Variants in SYT16 observed in about 807,000 individuals in gnomAD.
SYT16 encodes synaptotagmin-16.
In SYT16, 42 loss-of-function variants were observed where a neutral mutation model predicts 61.4. The observed-to-expected ratio is 0.68, with a 90% confidence interval of 0.53 to 0.89. The LOEUF (loss-of-function observed/expected upper bound fraction) is 0.89. SYT16 is among the 40% of genes least tolerant of loss of function. SYT16 has a pLI of 0.00. For missense variants in SYT16, 804 were observed against 807.3 expected, an observed-to-expected ratio of 1.00 and a Z score of 0.05; for synonymous variants, 314 against 302.3, an observed-to-expected ratio of 1.04 and a Z score of -0.40.
chr14:62,048,392 T>G (rs1377563175), intron 3 of SYT16, among the ~76,000 whole-genome samples: 6 of 152,084 alleles, frequency 3.9e-5, no homozygotes, highest in East Asian at 1.9e-4. Context: ...TCTTGCTAGC[T>G]GTCTATCAAT....
chr14:61,964,347 A>G (rs2051226053), intron 1 of SYT16, among the ~76,000 whole-genome samples: 1 of 152,182 alleles, frequency 6.6e-6, no homozygotes, highest in Non-Finnish European at 1.5e-5. Context: ...GTTTGGAAGA[A>G]GTTGATTCTA....
intron 2 of SYT16, among the ~76,000 whole-genome samples, chr14:61,989,059 T>G (rs2052437225): frequency 6.6e-6 from 1 of 152,126 alleles, no homozygotes; most frequent in African/African-American, 2.4e-5. Flanking sequence ...GGCCAATATC[T>G]TCCACAAAAG....
At chr14:61,940,724 G>T (rs1191973607) in intron 1 of SYT16, among the ~76,000 whole-genome samples, 1 of 152,160 alleles carries the variant, frequency 6.6e-6, no homozygotes, top group Non-Finnish European at 1.5e-5. Context: ...TGGAGATTCA[G>T]ATCTTGCTTG....
chr14:61,860,188 C>G (rs2046921679), intron 1 of SYT16, among the ~76,000 whole-genome samples: 1 of 152,170 alleles, frequency 6.6e-6, no homozygotes, highest in African/African-American at 2.4e-5. Context: ...AGTAACAAAG[C>G]TACTTTGAAA....
intron 3 of SYT16, among the ~76,000 whole-genome samples, chr14:62,035,056 A>T (rs2054455623): frequency 6.6e-6 from 1 of 152,142 alleles, no homozygotes; most frequent in South Asian, 2.1e-4. Flanking sequence ...GACCTTAAGT[A>T]TTTACATATG....
In SYT16 at chr14:61,827,979, A is replaced by G. The variant is rs114073201; in HGVS notation, c.-325+15169A>G. ...CTGTATTTGAAGCTAGGGTTTTTAA[A>G]TAGGTAATTCAGTTAAAATGAAGTT... On this transcript the variant is annotated intron_variant, in intron 1 of 7. Transcript: ENST00000683842. Among the ~76,000 whole-genome samples, 1,420 of 152,320 alleles carry G rather than the reference A, an allele frequency of 9.3e-3. 27 individuals carry two copies. Among genetic ancestry groups the G allele is most frequent in the African/African-American group, 0.032 (1,332 of 41,564 alleles).
intron 1 of SYT16, among the ~76,000 whole-genome samples, chr14:61,815,850 A>AT (rs1460246585): frequency 1.3e-5 from 2 of 152,036 alleles, no homozygotes; most frequent in Non-Finnish European, 2.9e-5. Flanking sequence ...GCGCTATTTT[A>AT]TTTTTTTATT....
At chr14:62,027,290 A>C (rs556882898) in intron 3 of SYT16, among the ~76,000 whole-genome samples, 2 of 152,300 alleles carry the variant, frequency 1.3e-5, no homozygotes, top group Non-Finnish European at 2.9e-5. Context: ...CATGCTTTCC[A>C]AAATGAATGT....
At chr14:62,014,463 G>T (rs1363007134) in intron 3 of SYT16, among the ~76,000 whole-genome samples, 1 of 151,290 alleles carries the variant, frequency 6.6e-6, no homozygotes, top group Non-Finnish European at 1.5e-5. Context: ...CTTCTGCTTG[G>T]TCTATTCCAA....
chr14:62,075,653 A>G (rs2140958311), intron 5 of SYT16, among the ~76,000 whole-genome samples: 1 of 146,990 alleles, frequency 6.8e-6, no homozygotes, highest in East Asian at 2.0e-4. Context: ...ATGGTGGCAG[A>G]ATGGATCCAG....
intron 1 of SYT16, among the ~76,000 whole-genome samples, chr14:61,821,393 A>G (rs979295387): frequency 1.7e-4 from 26 of 152,292 alleles, no homozygotes; most frequent in African/African-American, 6.0e-4. Flanking sequence ...TGGCTTAAAA[A>G]AACACTTATC....
At chr14:61,911,994 G>A (rs1477660340) in intron 1 of SYT16, among the ~76,000 whole-genome samples, 1 of 152,152 alleles carries the variant, frequency 6.6e-6, no homozygotes, top group African/African-American at 2.4e-5. Flanking sequence ...TGTTGGGAAG[G>A]CATTTGGTAT....
intron 1 of SYT16, among the ~76,000 whole-genome samples, chr14:61,940,730 G>A (rs1384642951): frequency 6.6e-6 from 1 of 152,118 alleles, no homozygotes; most frequent in African/African-American, 2.4e-5. Flanking sequence ...TTCAGATCTT[G>A]CTTGGCCCCT....
chr14:62,056,391 A>C (rs1187704486), intron 3 of SYT16, among the ~76,000 whole-genome samples: 2 of 152,184 alleles, frequency 1.3e-5, no homozygotes, highest in African/African-American at 2.4e-5. Flanking sequence ...ACCTGGGCAA[A>C]AAAGGGTTTG....
chr14:61,960,079 A>G (rs192074141), intron 1 of SYT16, among the ~76,000 whole-genome samples: 1 of 152,268 alleles, frequency 6.6e-6, no homozygotes, highest in African/African-American at 2.4e-5. Context: ...TGATCTGCCC[A>G]CTTCAGCTTC....
intron 1 of SYT16, among the ~76,000 whole-genome samples, chr14:61,854,024 C>T (rs1279708525): frequency 6.6e-6 from 1 of 152,024 alleles, no homozygotes; most frequent in Non-Finnish European, 1.5e-5. Context: ...TTTACCCTAC[C>T]ATACTTTAAA....
chr14:62,073,021 AC>A (rs1305986038), intron 4 of SYT16, among the ~76,000 whole-genome samples: 1 of 152,150 alleles, frequency 6.6e-6, no homozygotes, highest in Non-Finnish European at 1.5e-5. Context: ...ATTTAAAGGC[AC>A]GGGAAGACTG....
intron 1 of SYT16, among the ~76,000 whole-genome samples, chr14:61,842,342 T>G (rs2046322759): frequency 1.3e-5 from 2 of 152,210 alleles, no homozygotes; most frequent in Admixed American, 1.3e-4. Flanking sequence ...TAGCCTCTGA[T>G]AGCCAGCCAC....
chr14:61,832,135 CT>C, intron 1 of SYT16: 1 of 714,478 alleles, frequency 1.4e-6, no homozygotes, highest in Non-Finnish European at 2.6e-6. Flanking sequence ...TACAACTCGA[CT>C]TTCCCATCCG....
Sources: gnomAD v4.1 joint callset for allele counts (sites outside exome capture counted in the v4.1 genomes callset) on GRCh38, gnomAD v4.1.1 for gene constraint, MANE v1.5 for transcripts, NCBI Gene and HGNC (gene_info 2026-07-23, HGNC 2026-07-21) for gene names.